The following SLC49A4 variants were observed in gnomAD, a reference collection of about 807,000 sequenced individuals.
The protein encoded by SLC49A4 is disrupted in renal cancer protein 2.
Under a neutral mutation model 50.6 loss-of-function variants are expected in SLC49A4, and 36 were observed. That is an observed-to-expected ratio of 0.71 (90% CI 0.55 to 0.94). The LOEUF is 0.94. Ranked by LOEUF, SLC49A4 falls within the 40% of genes least tolerant of loss-of-function variation. SLC49A4 has a pLI of 0.00. For missense variants in SLC49A4, 503 were observed against 605.7 expected (o/e 0.83, Z 1.78); for synonymous variants, 248 against 241.2 (o/e 1.03, Z -0.26).
intron 3 of SLC49A4, among the ~76,000 whole-genome samples, chr3:122,831,441 T>C (rs1158328516): frequency 6.6e-6 from 1 of 152,088 alleles, no homozygotes; most frequent in Non-Finnish European, 1.5e-5. Flanking sequence ...CAATAAAAAA[T>C]ACTAAAGTAC....
At chr3:122,870,847 T>TAA (rs1937189516) in intron 7 of SLC49A4, among the ~76,000 whole-genome samples, 3 of 146,974 alleles carry the variant, frequency 2.0e-5, no homozygotes, top group Middle Eastern at 7.1e-3. Context: ...TAATAATTAA[T>TAA]TAATAATTCT....
At chr3:122,822,761 ATGT>A (rs1468929743) in intron 2 of SLC49A4, among the ~76,000 whole-genome samples, 1 of 151,896 alleles carries the variant, frequency 6.6e-6, no homozygotes, top group Non-Finnish European at 1.5e-5. Context: ...TATTTTTAAA[ATGT>A]TGTTATTCTC....
At chr3:122,811,079 A>G (rs997291462) in intron 2 of SLC49A4, among the ~76,000 whole-genome samples, 2 of 152,238 alleles carry the variant, frequency 1.3e-5, no homozygotes, top group Non-Finnish European at 2.9e-5. Context: ...ATATTTGACT[A>G]TGTAAAAATT....
intron 2 of SLC49A4, among the ~76,000 whole-genome samples, chr3:122,814,135 G>T (rs1936334137): frequency 6.6e-6 from 1 of 152,146 alleles, no homozygotes; most frequent in African/African-American, 2.4e-5. Flanking sequence ...TCCAGGCATG[G>T]TGCATTCCTA....
intron 2 of SLC49A4, among the ~76,000 whole-genome samples, chr3:122,808,645 A>G (rs1158222446): frequency 6.6e-6 from 1 of 152,106 alleles, no homozygotes; most frequent in Non-Finnish European, 1.5e-5. Flanking sequence ...TGAGCTAGGA[A>G]ACCACTGGAG....
At chr3:122,850,921 C>G (rs1233736893) in intron 5 of SLC49A4, among the ~76,000 whole-genome samples, 1 of 152,106 alleles carries the variant, frequency 6.6e-6, no homozygotes, top group Non-Finnish European at 1.5e-5. Context: ...GTCATCTTTC[C>G]TACCTTCTGG....
intron 5 of SLC49A4, among the ~76,000 whole-genome samples, chr3:122,846,112 A>T (rs913396373): frequency 1.3e-5 from 2 of 152,172 alleles, no homozygotes. Flanking sequence ...CTGGTTTTTT[A>T]AAAAAGGAAG....
chr3:122,845,892 T>C, intron 5 of SLC49A4, 21 bp downstream of exon 5: 1 of 1,537,232 alleles, frequency 6.5e-7, no homozygotes, highest in Non-Finnish European at 8.9e-7. Context: ...TATTTCTTTA[T>C]ATGTTGTAGG....
At chr3:122,846,670 C>G (rs1936857424) in intron 5 of SLC49A4, among the ~76,000 whole-genome samples, 1 of 152,232 alleles carries the variant, frequency 6.6e-6, no homozygotes, top group Non-Finnish European at 1.5e-5. Flanking sequence ...CATCATCCCA[C>G]ATCATTTGCC....
At chr3:122,872,690 A>C in intron 8 of SLC49A4, 93 bp downstream of exon 8, 2 of 834,536 alleles carry the variant, frequency 2.4e-6, no homozygotes, top group Non-Finnish European at 3.6e-6. Context: ...GAGAAGTCTC[A>C]CCAAGGCAAA....
intron 2 of SLC49A4, among the ~76,000 whole-genome samples, chr3:122,809,326 C>G (rs1936265482): frequency 6.6e-6 from 1 of 152,078 alleles, no homozygotes; most frequent in Admixed American, 6.5e-5. Flanking sequence ...ATTTGAGATG[C>G]TCTTAATTTT....
intron 2 of SLC49A4, among the ~76,000 whole-genome samples, chr3:122,819,648 C>T (rs1203626109): frequency 6.6e-6 from 1 of 152,142 alleles, no homozygotes. Flanking sequence ...TTGGAATGCT[C>T]ATTACTTTTC....
rs1239326527 is a variant in SLC49A4 at position 122,860,136 on chromosome 3, A to G, written c.1072A>G (p.Thr358Ala). Residue 358 changes from threonine to alanine, a missense_variant, in exon 7 of 9, where the codon ACA (threonine) becomes GCA (alanine). By Grantham distance (58) the Thr-to-Ala change is moderately conservative (BLOSUM62 0). Coordinates refer to ENST00000261038, the MANE Select transcript of SLC49A4 (RefSeq NM_032839.3). ...LILLLLFSGA[T>A]LSSTWFTLTC... The stretch of plus-strand genomic sequence containing the variant: ...TCTTCTCCTCCTGTTTTCGGGAGCT[A>G]CACTGTCATCCACGTGGTTCACCCT... The G allele has an allele frequency of 5.6e-6, 9 of 1,613,542 alleles. No individual in the cohort carries two copies. Among genetic ancestry groups the G allele is most frequent in the Admixed American group, 1.7e-5 (1 of 59,962 alleles).
chr3:122,856,747 A>C (rs1936995054), intron 6 of SLC49A4, among the ~76,000 whole-genome samples: 1 of 151,842 alleles, frequency 6.6e-6, no homozygotes, highest in African/African-American at 2.4e-5. Context: ...GAGGCAGGAG[A>C]ATTGCTTGAA....
chr3:122,856,558 C>T (rs757744963), intron 6 of SLC49A4, among the ~76,000 whole-genome samples, 184 bp downstream of exon 6: 19 of 152,242 alleles, frequency 1.2e-4, no homozygotes, highest in Admixed American at 3.3e-4. Context: ...GCTAACAGGC[C>T]GGGAATGGTG....
intron 2 of SLC49A4, among the ~76,000 whole-genome samples, chr3:122,823,473 A>G (rs915926396): frequency 1.3e-5 from 2 of 152,238 alleles, no homozygotes; most frequent in African/African-American, 2.4e-5. Context: ...TATTCCTGCT[A>G]CAGTGCTAGT....
intron 2 of SLC49A4, among the ~76,000 whole-genome samples, chr3:122,822,276 G>T (rs965448198): frequency 6.6e-6 from 1 of 152,184 alleles, no homozygotes; most frequent in Non-Finnish European, 1.5e-5. Flanking sequence ...CTGAGAGCCA[G>T]CTTCTTTCAT....
intron 2 of SLC49A4, among the ~76,000 whole-genome samples, chr3:122,818,299 C>T (rs1245181863): frequency 1.3e-5 from 2 of 152,076 alleles, no homozygotes; most frequent in Non-Finnish European, 2.9e-5. Flanking sequence ...AGTATGGTAT[C>T]TGTGGTTACC....
At chr3:122,869,990 T>C (rs1937177242) in intron 7 of SLC49A4, among the ~76,000 whole-genome samples, 1 of 108,324 alleles carries the variant, frequency 9.2e-6, no homozygotes, top group Middle Eastern at 4.2e-3. Context: ...ATATTGATAG[T>C]TCCCTTTCAG....
Sources: allele counts gnomAD v4.1 joint callset (sites outside exome capture counted in the v4.1 genomes callset), GRCh38; gene constraint gnomAD v4.1.1; transcripts MANE v1.5; gene names NCBI Gene and HGNC (gene_info 2026-07-23, HGNC 2026-07-21).